The following CPED1 variants were observed in gnomAD, a reference collection of about 807,000 sequenced individuals.
CPED1 encodes cadherin like and PC-esterase domain containing 1, also known as cadherin-like and PC-esterase domain-containing protein 1.
CPED1 carries 114 observed loss-of-function variants against 128.2 expected under a neutral mutation model. The observed-to-expected ratio is 0.89, with a 90% CI of 0.76 to 1.04. CPED1 has a LOEUF of 1.04. Ranked by LOEUF, CPED1 falls within the 50% of genes least tolerant of loss-of-function variation. The pLI is 0.00. For synonymous variants in CPED1, 462 were observed against 426.7 expected, an observed-to-expected ratio of 1.08 and a Z score of -1.02; for missense variants, 1,211 against 1,207.1, an observed-to-expected ratio of 1.00 and a Z score of -0.05.
intron 4 of CPED1, among the ~76,000 whole-genome samples, chr7:121,053,710 A>G (rs1232632710): frequency 2.0e-5 from 3 of 152,034 alleles, no homozygotes; most frequent in Non-Finnish European, 2.9e-5. Flanking sequence ...GTGATTTTCT[A>G]TTTCTCTTAT....
At chr7:121,035,507 T>C (rs987874859) in intron 3 of CPED1, among the ~76,000 whole-genome samples, 2 of 151,968 alleles carry the variant, frequency 1.3e-5, no homozygotes, top group African/African-American at 4.8e-5. Context: ...GCCTTCTAGT[T>C]TGAGAAAGAG....
chr7:120,996,710 A>G (rs1316076149), intron 2 of CPED1, among the ~76,000 whole-genome samples: 1 of 152,188 alleles, frequency 6.6e-6, no homozygotes. Context: ...CTAGTCCTCC[A>G]AATTAATTCA....
chr7:121,074,941 T>G (rs1027724282), intron 5 of CPED1, among the ~76,000 whole-genome samples: 1 of 152,196 alleles, frequency 6.6e-6, no homozygotes, highest in East Asian at 1.9e-4. Context: ...GAATTTTATT[T>G]TCTTTTGTTT....
At chr7:121,159,004 A>G (rs1796352694) in intron 16 of CPED1, among the ~76,000 whole-genome samples, 1 of 152,164 alleles carries the variant, frequency 6.6e-6, no homozygotes, top group Non-Finnish European at 1.5e-5. Flanking sequence ...GCTATCCCAA[A>G]TCCTAAAATA....
intron 3 of CPED1, among the ~76,000 whole-genome samples, chr7:121,030,377 A>C (rs1043082380): frequency 1.3e-5 from 2 of 152,200 alleles, no homozygotes; most frequent in African/African-American, 2.4e-5. Flanking sequence ...CTGCAGTCCA[A>C]AAATATTAAA....
At chr7:121,076,927 C>CT (rs1204558268) in intron 5 of CPED1, among the ~76,000 whole-genome samples, 1 of 151,226 alleles carries the variant, frequency 6.6e-6, no homozygotes, top group Non-Finnish European at 1.5e-5. Flanking sequence ...AAGCTCTAAA[C>CT]TTTAAAAAAA....
At chr7:121,019,178 C>T (rs968515887) in intron 3 of CPED1, among the ~76,000 whole-genome samples, 2 of 152,012 alleles carry the variant, frequency 1.3e-5, no homozygotes, top group African/African-American at 2.4e-5. Flanking sequence ...TGTCACCCCA[C>T]CCACTGGTTA....
intron 16 of CPED1, among the ~76,000 whole-genome samples, chr7:121,153,510 C>T (rs1796206757): frequency 6.6e-6 from 1 of 152,194 alleles, no homozygotes; most frequent in Admixed American, 6.5e-5. Context: ...TTGCTTTCCA[C>T]TTATTAACTC....
In CPED1 at chr7:121,266,300, A is replaced by G. The variant is rs775527671; in HGVS notation, c.2384A>G (p.Gln795Arg). The stretch of plus-strand genomic sequence containing the variant: ...ATTGAAAGGCTGAATGAAACGTTGC[A>G]GGAATGGCAGAAAGTACATGGCACT... ...YLIERLNETL[Q>R]EWQKVHGTKF... Residue 795 changes from glutamine (Q) to arginine (R), a missense_variant, in exon 19 of 23, where the codon CAG becomes CGG. Coordinates refer to ENST00000310396, the MANE Select transcript of CPED1 (RefSeq NM_024913.5). The G allele has an allele frequency of 2.5e-6, 4 of 1,613,148 alleles. No homozygotes were observed. The Admixed American group carries it at 6.7e-5, about 27-fold the overall frequency.
At chr7:121,289,505 G>A (rs1792648640) in intron 22 of CPED1, among the ~76,000 whole-genome samples, 1 of 151,998 alleles carries the variant, frequency 6.6e-6, no homozygotes, top group Non-Finnish European at 1.5e-5. Context: ...TTCAGAAATG[G>A]TTCAAGCTCA....
At chr7:121,261,099 G>A (rs1167779260) in intron 18 of CPED1, among the ~76,000 whole-genome samples, 1 of 151,922 alleles carries the variant, frequency 6.6e-6, no homozygotes, top group East Asian at 1.9e-4. Context: ...TGGTGATGCT[G>A]GAGTAAAGAG....
intron 22 of CPED1, among the ~76,000 whole-genome samples, chr7:121,274,081 G>A (rs898890129): frequency 8.6e-5 from 13 of 152,036 alleles, no homozygotes; most frequent in African/African-American, 2.7e-4. Flanking sequence ...TTTGCAGAAA[G>A]GTGTCTACTT....
chr7:121,242,831 C>G (rs938155725), intron 17 of CPED1, among the ~76,000 whole-genome samples: 3 of 151,944 alleles, frequency 2.0e-5, no homozygotes, highest in African/African-American at 7.3e-5. Flanking sequence ...TCTTTTATCT[C>G]TTCCAGTTTC....
At chr7:121,114,924 G>T (rs1030516468) in intron 7 of CPED1, among the ~76,000 whole-genome samples, 3 of 152,196 alleles carry the variant, frequency 2.0e-5, no homozygotes, top group African/African-American at 7.2e-5. Flanking sequence ...ATCGTCTGTT[G>T]ATTAATTGTT....
In CPED1 at chr7:121,280,418, A is replaced by G. The variant is rs1037668043; in HGVS notation, c.2868+8988A>G. On this transcript the variant is annotated intron_variant, in intron 22 of 22. Coordinates refer to ENST00000310396, the MANE Select transcript of CPED1 (RefSeq NM_024913.5). The stretch of plus-strand genomic sequence containing the variant: ...GCACCTCAGAGCAGAATTTGTTCCC[A>G]GAGCCAACGCTCAGCGTTGTCCAAG... Among the ~76,000 whole-genome samples the G allele has an allele frequency of 3.9e-5, 6 of 152,326 alleles. 1 individual carries two copies. In the South Asian group the frequency reaches 1.2e-3, roughly 32 times the overall value.
rs912839720 is a variant in CPED1, at chr7:121,267,113, T to C, written c.2634-102T>C. 5.7e-6 allele frequency: 4 copies of C among 707,778 alleles called. No homozygotes were observed. The East Asian group carries it at 1.0e-4, about 18-fold the overall frequency. The allele number at this position is 707,778 out of a possible 1,614,324, so 43.8% of individuals were successfully genotyped here. Reference sequence around the variant, plus strand: ...AGCATTTAGTCTTTTATGCCAATTATCACATTCTGAAAGAATTCTATGGTA... The same window carrying C: ...AGCATTTAGTCTTTTATGCCAATTACCACATTCTGAAAGAATTCTATGGTA... On this transcript the variant is annotated intron_variant, in intron 20 of 22. Coordinates refer to ENST00000310396, the MANE Select transcript of CPED1 (RefSeq NM_024913.5).
intron 16 of CPED1, among the ~76,000 whole-genome samples, chr7:121,149,391 T>C (rs948914437): frequency 6.6e-6 from 1 of 152,204 alleles, no homozygotes; most frequent in Non-Finnish European, 1.5e-5. Flanking sequence ...CTTATATAAA[T>C]TATCTTTTGT....
At chr7:121,197,629 T>G (rs184147553) in intron 16 of CPED1, among the ~76,000 whole-genome samples, 60 of 151,962 alleles carry the variant, frequency 3.9e-4, no homozygotes, top group African/African-American at 1.1e-3. Flanking sequence ...TGTATATGGG[T>G]GTGTTGTGTG....
chr7:121,087,182 G>A (rs1007643447), intron 5 of CPED1, among the ~76,000 whole-genome samples: 1 of 151,952 alleles, frequency 6.6e-6, no homozygotes, highest in Non-Finnish European at 1.5e-5. Flanking sequence ...TTTGGTTGGG[G>A]GAGGCAAACA....
Sources: allele counts gnomAD v4.1 joint callset (sites outside exome capture counted in the v4.1 genomes callset), GRCh38; gene constraint gnomAD v4.1.1; transcripts MANE v1.5; gene names NCBI Gene and HGNC (gene_info 2026-07-23, HGNC 2026-07-21).